Variants in BCL9 observed in about 807,000 individuals in gnomAD.
BCL9 encodes BCL9 transcription coactivator, also known as B-cell CLL/lymphoma 9 protein.
Under a neutral mutation model 88.5 loss-of-function variants are expected in BCL9, and 25 were observed. The ratio of observed to expected loss-of-function variants is 0.28; its 90% CI spans 0.21 to 0.39. The LOEUF (loss-of-function observed/expected upper bound fraction) is 0.39. Ranked by LOEUF, BCL9 falls within the 10% of genes least tolerant of loss-of-function variation. The pLI is 1.00. For missense variants in BCL9, 1,817 were observed against 1,877.8 expected (o/e 0.97, Z 0.60); for synonymous variants, 711 against 673.3 (o/e 1.06, Z -0.87).
Position 147,611,828 on chromosome 1 carries a change from T to A in BCL9, c.-9T>A, listed in dbSNP as rs376840804. On this transcript the variant is annotated 5_prime_UTR_variant, in exon 4 of 10. Transcript: ENST00000234739. The stretch of plus-strand genomic sequence containing the variant: ...CCCGTTTGTGACTGCAAGCTCAGGA[T>A]TTCAATCAATGCATTCCAGTAACCC... 1 of 1,613,938 alleles carries A rather than the reference T, an allele frequency of 6.2e-7. No homozygotes were observed. The highest frequency in any genetic ancestry group is 1.3e-5 in the African/African-American group (1 of 75,024).
chr1:147,616,505 T>C (rs1007707259), intron 7 of BCL9, among the ~76,000 whole-genome samples: 5 of 152,186 alleles, frequency 3.3e-5, no homozygotes, highest in African/African-American at 1.2e-4. Flanking sequence ...TGGTGGCTCA[T>C]GCCTGTAATC....
intron 1 of BCL9, among the ~76,000 whole-genome samples, chr1:147,571,065 C>T (rs781885704): frequency 6.6e-6 from 1 of 151,990 alleles, no homozygotes; most frequent in South Asian, 2.1e-4. Flanking sequence ...ACCAGGTGCC[C>T]CTGAGAACAT....
At position 147,625,141 on chromosome 1, in the gene BCL9, A is replaced by G; in HGVS notation, c.*182A>G. On this transcript the variant is annotated 3_prime_UTR_variant, in exon 10 of 10. Coordinates refer to ENST00000234739, the MANE Select transcript of BCL9 (RefSeq NM_004326.4). ...GGATTTACCTGAAAACAAATTATTC[A>G]TTTAATCAACAGGTGTGTTTTTTTT... The G allele has an allele frequency of 1.5e-6, 1 of 683,444 alleles. No homozygotes were observed. Among genetic ancestry groups the G allele is most frequent in the Non-Finnish European group, 2.3e-6 (1 of 444,244 alleles). 42.3% of individuals were successfully genotyped at this position (683,444 alleles called of 1,614,324 possible).
intron 6 of BCL9, among the ~76,000 whole-genome samples, chr1:147,615,167 G>A (rs6675828): frequency 0.24 from 37,052 of 152,014 alleles, 5,633 homozygotes; most frequent in African/African-American, 0.42. Context: ...AACAGAAGAA[G>A]TTGATTGCAC....
intron 1 of BCL9, among the ~76,000 whole-genome samples, chr1:147,552,473 G>A (rs1280574514): frequency 1.3e-5 from 2 of 152,102 alleles, no homozygotes; most frequent in African/African-American, 4.8e-5. Flanking sequence ...AGGCGTGGTG[G>A]CGCATGCCTG....
chr1:147,550,330 C>T (rs1553194695), intron 1 of BCL9, among the ~76,000 whole-genome samples: 1 of 152,074 alleles, frequency 6.6e-6, no homozygotes, highest in Non-Finnish European at 1.5e-5. Flanking sequence ...ATATTTGACA[C>T]AGCTAATATA....
intron 1 of BCL9, among the ~76,000 whole-genome samples, chr1:147,554,032 A>G (rs1328460209): frequency 6.6e-6 from 1 of 152,222 alleles, no homozygotes; most frequent in Non-Finnish European, 1.5e-5. Flanking sequence ...GGATTGCTCA[A>G]TGGAGACATC....
chr1:147,614,744 C>T, intron 6 of BCL9, 128 bp downstream of exon 6: 3 of 1,029,650 alleles, frequency 2.9e-6, no homozygotes, highest in South Asian at 1.9e-5. Context: ...AAAACCTCCC[C>T]AACCCAAACT....
intron 1 of BCL9, among the ~76,000 whole-genome samples, chr1:147,584,377 C>T: frequency 7.2e-6 from 1 of 139,520 alleles, no homozygotes; most frequent in South Asian, 2.1e-4. Flanking sequence ...CTCTTTCATC[C>T]CTCTGTAACT....
intron 1 of BCL9, among the ~76,000 whole-genome samples, chr1:147,578,288 C>A (rs1656198777): frequency 6.6e-6 from 1 of 152,144 alleles, no homozygotes; most frequent in Non-Finnish European, 1.5e-5. Context: ...GGTTGAGCAT[C>A]CCTAATCCAA....
At chr1:147,553,456 A>G (rs1553195049) in intron 1 of BCL9, among the ~76,000 whole-genome samples, 1 of 152,208 alleles carries the variant, frequency 6.6e-6, no homozygotes, top group African/African-American at 2.4e-5. Flanking sequence ...CATATTAGCT[A>G]TATGTGTTCA....
intron 1 of BCL9, among the ~76,000 whole-genome samples, chr1:147,564,955 C>T (rs587601984): frequency 6.6e-6 from 1 of 152,280 alleles, no homozygotes; most frequent in East Asian, 1.9e-4. Context: ...TCTTTAGTCA[C>T]ACTAGCCTAA....
At chr1:147,618,559 C>T (rs992576494) in intron 7 of BCL9, among the ~76,000 whole-genome samples, 1 of 151,948 alleles carries the variant, frequency 6.6e-6, no homozygotes, top group African/African-American at 2.4e-5. Context: ...CAGAGTGGCT[C>T]TCCCCTGGCA....
intron 6 of BCL9, 132 bp downstream of exon 6, chr1:147,614,748 C>A: frequency 1.0e-6 from 1 of 974,726 alleles, no homozygotes; most frequent in Non-Finnish European, 1.4e-6. Flanking sequence ...CCTCCCCAAC[C>A]CAAACTCCCC....
chr1:147,623,134 A>G (rs1447186395), intron 9 of BCL9, among the ~76,000 whole-genome samples: 3 of 152,122 alleles, frequency 2.0e-5, no homozygotes, highest in African/African-American at 7.2e-5. Context: ...CTTTTCAGCC[A>G]TGAGTTTCTG....
At chr1:147,600,068 G>T (rs587597970) in intron 1 of BCL9, 1 of 149,162 alleles carries the variant, frequency 6.7e-6, no homozygotes, top group Non-Finnish European at 1.5e-5. Flanking sequence ...TGTACCTTTC[G>T]TGGCGCGGTG....
chr1:147,548,266 G>T (rs1009200550), intron 1 of BCL9, among the ~76,000 whole-genome samples: 1 of 152,172 alleles, frequency 6.6e-6, no homozygotes, highest in African/African-American at 2.4e-5. Flanking sequence ...TTGCTCTAAG[G>T]ATGCTTGGAT....
chr1:147,615,987 A>T, intron 7 of BCL9, 85 bp downstream of exon 7: 7 of 1,337,080 alleles, frequency 5.2e-6, no homozygotes, highest in Non-Finnish European at 7.3e-6. Flanking sequence ...AATTGATAGG[A>T]AGGTAGTCTT....
chr1:147,566,654 G>A lies in BCL9; in HGVS notation c.-478+24980G>A, dbSNP rs942234032. Among the ~76,000 whole-genome samples the A allele has an allele frequency of 2.6e-5, 4 of 152,154 alleles. No homozygotes were observed. The East Asian group carries it at 7.7e-4, about 29-fold the overall frequency. On this transcript the variant is annotated intron_variant, in intron 1 of 9. Coordinates refer to ENST00000234739, the MANE Select transcript of BCL9 (RefSeq NM_004326.4). ...GCCTGTAGTCCCAGCTAGACGGGAG[G>A]CCGAGGCAGGAGAACTGCGTGAACC...
Sources: allele counts gnomAD v4.1 joint callset (sites outside exome capture counted in the v4.1 genomes callset), GRCh38; gene constraint gnomAD v4.1.1; transcripts MANE v1.5; gene names NCBI Gene and HGNC (gene_info 2026-07-23, HGNC 2026-07-21).